ARSJ: variants seen among roughly 807,000 people sequenced by gnomAD.
ARSJ encodes arylsulfatase family member J, also known as arylsulfatase J.
ARSJ carries 26 observed loss-of-function variants against 35.9 expected under a neutral mutation model. The observed-to-expected ratio is 0.72, with a 90% confidence interval of 0.53 to 1.00. The LOEUF (loss-of-function observed/expected upper bound fraction) is 1.00. Among genes scored for constraint, ARSJ ranks in the 50% least tolerant of loss-of-function variants. The pLI is 0.00. For missense variants in ARSJ, 667 were observed against 723.6 expected (o/e 0.92, Z 0.90); for synonymous variants, 294 against 267.6 (o/e 1.10, Z -0.96).
At chr4:113,951,877 C>A (rs1725883466) in intron 1 of ARSJ, among the ~76,000 whole-genome samples, 1 of 151,852 alleles carries the variant, frequency 6.6e-6, no homozygotes, top group African/African-American at 2.4e-5. Context: ...GAATAACTGC[C>A]CTTAGGTTAA....
chr4:113,912,574 G>A lies in ARSJ; in HGVS notation c.399-8899C>T, dbSNP rs553456326. Among the ~76,000 whole-genome samples the A allele has an allele frequency of 2.6e-5, 4 of 152,190 alleles. No individual in the cohort carries two copies. In the South Asian group the frequency reaches 8.3e-4, roughly 32 times the overall value. On this transcript the variant is annotated intron_variant, in intron 1 of 1. Transcript: ENST00000315366. ...GTTTATGATGTATTATTAAGTAAAAGACCATCTGGCTATGGCAGAATATCT... is the reference window on the plus strand; with the variant it reads ...GTTTATGATGTATTATTAAGTAAAAAACCATCTGGCTATGGCAGAATATCT...
intron 1 of ARSJ, among the ~76,000 whole-genome samples, chr4:113,931,742 T>A (rs995043106): frequency 6.6e-6 from 1 of 151,774 alleles, no homozygotes; most frequent in Non-Finnish European, 1.5e-5. Flanking sequence ...AAATAATAGA[T>A]ATAAAAAATA....
rs367878518 is a variant in ARSJ, at chr4:113,903,155, C to T, written c.919G>A (p.Val307Met). The T allele has an allele frequency of 5.0e-5, 81 of 1,613,990 alleles. No homozygotes were observed. Among genetic ancestry groups the T allele is most frequent in the Non-Finnish European group, 6.2e-5 (73 of 1,180,022 alleles). The change falls in exon 2 of 2, where the codon GTG becomes ATG. Residue 307 changes from valine (V) to methionine (M), a missense_variant. Coordinates refer to ENST00000315366, the MANE Select transcript of ARSJ (RefSeq NM_024590.4). ...LSCLDEAINN[V>M]TLALKTYGFY... ...CCATAAGTCTTTAGAGCCAATGTCA[C>T]GTTGTTGATTGCTTCATCTAAGCAG...
intron 1 of ARSJ, among the ~76,000 whole-genome samples, chr4:113,957,337 A>G (rs1726245127): frequency 6.6e-6 from 1 of 151,394 alleles, no homozygotes; most frequent in Admixed American, 6.6e-5. Context: ...TCTTCTTTTA[A>G]AAAACTTAAT....
intron 1 of ARSJ, among the ~76,000 whole-genome samples, chr4:113,935,853 C>G (rs1724734456): frequency 6.6e-6 from 1 of 151,918 alleles, no homozygotes; most frequent in African/African-American, 2.4e-5. Flanking sequence ...TTGAAAAACA[C>G]ATGTACAACT....
At chr4:113,905,004 A>G (rs1158265350) in intron 1 of ARSJ, among the ~76,000 whole-genome samples, 1 of 152,238 alleles carries the variant, frequency 6.6e-6, no homozygotes, top group East Asian at 1.9e-4. Context: ...AGAAAGCATA[A>G]CACTTTCTAA....
Position 113,902,682 on chromosome 4 carries a change from G to T in ARSJ, c.1392C>A (p.Ser464Arg), listed in dbSNP as rs778270803. ...TGAAAGACTGAGGGGGGACCCAGTC[G>T]CTGTAGCCAGGATTTCCTGTAAGCA... ...WKLLTGNPGYSDWVPPQSFSN... is the reference protein window; with the variant it reads ...WKLLTGNPGYRDWVPPQSFSN... Residue 464 changes from serine (S) to arginine (R), a missense_variant, in exon 2 of 2, where the codon AGC becomes AGA. By Grantham distance (110) the Ser-to-Arg change is moderately radical (BLOSUM62 -1). Coordinates refer to ENST00000315366, the MANE Select transcript of ARSJ (RefSeq NM_024590.4). The T allele has an allele frequency of 6.8e-6, 11 of 1,614,186 alleles. No individual in the cohort carries two copies. The highest frequency in any genetic ancestry group is 9.3e-6 in the Non-Finnish European group (11 of 1,180,034).
At chr4:113,903,746 T>A in intron 1 of ARSJ, 71 bp from the exon 2 acceptor site, 2 of 1,486,518 alleles carry the variant, frequency 1.3e-6, no homozygotes, top group Non-Finnish European at 9.0e-7. Flanking sequence ...CAATGATCCC[T>A]AAATTAAAAA....
intron 1 of ARSJ, among the ~76,000 whole-genome samples, chr4:113,913,167 C>T (rs1298042423): frequency 6.6e-6 from 1 of 152,082 alleles, no homozygotes; most frequent in East Asian, 1.9e-4. Flanking sequence ...GATAAGGAAA[C>T]TTGTCAAGTA....
At position 113,933,421 on chromosome 4, in the gene ARSJ, T is replaced by C. The variant is rs149127311; in HGVS notation, c.399-29746A>G. On this transcript the variant is annotated intron_variant, in intron 1 of 1. Coordinates refer to ENST00000315366, the MANE Select transcript of ARSJ (RefSeq NM_024590.4). ...AAAAAAGGAAAACTATAGGCCAATA[T>C]CAGTGATGAACAGGGATGCAAAAAT... Among the ~76,000 whole-genome samples the C allele has an allele frequency of 3.3e-3, 501 of 151,896 alleles. 2 individuals carry two copies. Among genetic ancestry groups the C allele is most frequent in the African/African-American group, 0.012 (482 of 41,482 alleles).
At chr4:113,938,479 G>A (rs1436234686) in intron 1 of ARSJ, among the ~76,000 whole-genome samples, 1 of 151,942 alleles carries the variant, frequency 6.6e-6, no homozygotes, top group African/African-American at 2.4e-5. Flanking sequence ...ATAGGCATGG[G>A]CAAAGATTTC....
rs2374215 is a variant in ARSJ at position 113,902,035 on chromosome 4, A to G, written c.*239T>C. 911,581 of 1,266,072 alleles carry G rather than the reference A, an allele frequency of 0.72. 335,290 individuals carry two copies. The highest frequency in any genetic ancestry group is 0.77 in the Middle Eastern group (3,485 of 4,526). The allele number at this position is 1,266,072 out of a possible 1,614,324, so 78.4% of individuals were successfully genotyped here. On this transcript the variant is annotated 3_prime_UTR_variant, in exon 2 of 2. Transcript: ENST00000315366. ...GACTCACCACGTTTTCTAAAGGAGC[A>G]AGAGAAATAAACATCTCCACTCTCT...
chr4:113,910,199 A>G (rs1220074759), intron 1 of ARSJ, among the ~76,000 whole-genome samples: 1 of 152,204 alleles, frequency 6.6e-6, no homozygotes, highest in Non-Finnish European at 1.5e-5. Context: ...AAAAATGCTA[A>G]GTAGACCTTT....
chr4:113,953,487 A>G (rs1725986102), intron 1 of ARSJ, among the ~76,000 whole-genome samples: 1 of 152,056 alleles, frequency 6.6e-6, no homozygotes, highest in Non-Finnish European at 1.5e-5. Flanking sequence ...TGGCTTTTTA[A>G]AAGTTATATG....
intron 1 of ARSJ, 142 bp downstream of exon 1, chr4:113,978,295 C>T (rs1727713071): frequency 3.8e-6 from 3 of 779,518 alleles, no homozygotes; most frequent in East Asian, 5.3e-5. Context: ...CACGGTACCC[C>T]AATACCATAC....
chr4:113,935,155 A>G (rs1724689176), intron 1 of ARSJ, among the ~76,000 whole-genome samples: 1 of 151,888 alleles, frequency 6.6e-6, no homozygotes, highest in South Asian at 2.1e-4. Flanking sequence ...TGAAGTAATT[A>G]ACTAAAGATA....
At chr4:113,929,956 C>G (rs1235234230) in intron 1 of ARSJ, among the ~76,000 whole-genome samples, 1 of 152,094 alleles carries the variant, frequency 6.6e-6, no homozygotes, top group Admixed American at 6.6e-5. Flanking sequence ...GCATAACTCT[C>G]TAAACAGTTC....
At chr4:113,940,539 T>C (rs1485013352) in intron 1 of ARSJ, among the ~76,000 whole-genome samples, 2 of 151,568 alleles carry the variant, frequency 1.3e-5, no homozygotes, top group African/African-American at 4.8e-5. Flanking sequence ...AGCTAATGCA[T>C]GCTGGGCTTA....
chr4:113,935,701 G>A (rs1349024257), intron 1 of ARSJ, among the ~76,000 whole-genome samples: 2 of 151,820 alleles, frequency 1.3e-5, no homozygotes, highest in African/African-American at 4.8e-5. Flanking sequence ...GTATGTCCAC[G>A]GAACAGGCTG....
Sources: allele counts gnomAD v4.1 joint callset (sites outside exome capture counted in the v4.1 genomes callset), GRCh38; gene constraint gnomAD v4.1.1; transcripts MANE v1.5; gene names NCBI Gene and HGNC (gene_info 2026-07-23, HGNC 2026-07-21).